Variants in CTNNA3 observed in about 807,000 individuals in gnomAD.
The protein encoded by CTNNA3 is catenin alpha 3, also known as catenin alpha-3.
Under a neutral mutation model 95.7 loss-of-function variants are expected in CTNNA3, and 76 were observed. The ratio of observed to expected loss-of-function variants is 0.79; its 90% CI spans 0.66 to 0.96. The LOEUF is 0.96. Ranked by LOEUF, CTNNA3 falls within the 40% of genes least tolerant of loss-of-function variation. CTNNA3 has a pLI of 0.00. For missense variants in CTNNA3, 1,191 were observed against 1,089.8 expected, an observed-to-expected ratio of 1.09 and a Z score of -1.31; for synonymous variants, 431 against 374.4, an observed-to-expected ratio of 1.15 and a Z score of -1.74.
At chr10:65,983,134 T>C (rs2078358948) in intron 16 of CTNNA3, among the ~76,000 whole-genome samples, 1 of 151,724 alleles carries the variant, frequency 6.6e-6, no homozygotes, top group South Asian at 2.1e-4. Flanking sequence ...GCTGCCAATG[T>C]ATTTAACACT....
At chr10:66,467,848 T>C (rs529616715) in intron 11 of CTNNA3, among the ~76,000 whole-genome samples, 2 of 152,184 alleles carry the variant, frequency 1.3e-5, no homozygotes, top group South Asian at 2.1e-4. Context: ...TTTGGTGATA[T>C]GAGTGTAAAC....
intron 7 of CTNNA3, among the ~76,000 whole-genome samples, chr10:66,889,328 C>G (rs1423351499): frequency 6.6e-6 from 1 of 152,060 alleles, no homozygotes; most frequent in Non-Finnish European, 1.5e-5. Context: ...TTGTCCAAAC[C>G]CACAGAGTGT....
intron 1 of CTNNA3, among the ~76,000 whole-genome samples, chr10:67,669,405 A>C (rs1036645592): frequency 1.3e-5 from 2 of 152,180 alleles, no homozygotes; most frequent in African/African-American, 4.8e-5. Context: ...CCCAAGATTA[A>C]CTATAGAAGG....
intron 13 of CTNNA3, chr10:66,118,377 GA>G (rs2082429310): frequency 6.6e-6 from 1 of 152,138 alleles, no homozygotes; most frequent in African/African-American, 2.4e-5. Flanking sequence ...ATCTCTTGAT[GA>G]ACAAGATTAG....
In CTNNA3 at chr10:66,275,494, C is replaced by T. The variant is rs537371639; in HGVS notation, c.1884+4976G>A. On this transcript the variant is annotated intron_variant, in intron 13 of 17. Transcript: ENST00000433211. ...TCCTTTACTTTTACATACAATGATACTTAAAAGTAGAAATTCAGTAGTGTT... is the reference window on the plus strand; with the variant it reads ...TCCTTTACTTTTACATACAATGATATTTAAAAGTAGAAATTCAGTAGTGTT... Among the ~76,000 whole-genome samples the T allele has an allele frequency of 5.8e-4, 88 of 152,276 alleles. No homozygotes were observed. The South Asian group carries it at 0.017, about 30-fold the overall frequency.
chr10:66,691,028 C>A (rs962176434), intron 9 of CTNNA3, among the ~76,000 whole-genome samples: 3 of 152,264 alleles, frequency 2.0e-5, no homozygotes, highest in Non-Finnish European at 2.9e-5. Flanking sequence ...CCAGAGTGAT[C>A]GATGCAGAAG....
chr10:67,545,130 TTACA>T (rs1351603991), intron 3 of CTNNA3, among the ~76,000 whole-genome samples: 8 of 152,346 alleles, frequency 5.3e-5, no homozygotes, highest in African/African-American at 1.9e-4. Flanking sequence ...TGCAGGTTTG[TTACA>T]TATGTATATA....
chr10:67,077,480 TTCTGGACCC>T (rs2131867019), intron 7 of CTNNA3, among the ~76,000 whole-genome samples: 1 of 152,274 alleles, frequency 6.6e-6, no homozygotes, highest in African/African-American at 2.4e-5. Flanking sequence ...AGTCCAACCA[TTCTGGACCC>T]TCTGTCCCCT....
chr10:67,697,970 A>C (rs1840999570), upstream of CTNNA3, among the ~76,000 whole-genome samples: 1 of 152,318 alleles, frequency 6.6e-6, no homozygotes, highest in Admixed American at 6.5e-5. Flanking sequence ...GGTAGGAGAC[A>C]AAAGCAGAGA....
chr10:66,728,341 G>A (rs146902453), intron 9 of CTNNA3, among the ~76,000 whole-genome samples: 1 of 152,288 alleles, frequency 6.6e-6, no homozygotes, highest in African/African-American at 2.4e-5. Context: ...ACCTTTGTCA[G>A]ATGGATAGAT....
intron 17 of CTNNA3, among the ~76,000 whole-genome samples, chr10:65,956,369 T>G (rs1349776796): frequency 6.6e-6 from 1 of 152,208 alleles, no homozygotes; most frequent in Admixed American, 6.5e-5. Context: ...TTTGAAGGGT[T>G]TTTTGTGTCT....
At chr10:67,528,041 C>A (rs10997694) in intron 4 of CTNNA3, among the ~76,000 whole-genome samples, 16,265 of 152,194 alleles carry the variant, frequency 0.11, 1,327 homozygotes, top group East Asian at 0.3. Flanking sequence ...ATCCACCTTA[C>A]AGTCCTGGTT....
At chr10:66,062,606 T>C (rs1485358578) in intron 15 of CTNNA3, among the ~76,000 whole-genome samples, 1 of 152,184 alleles carries the variant, frequency 6.6e-6, no homozygotes, top group Non-Finnish European at 1.5e-5. Context: ...ACAGATTTCA[T>C]TCATTTTAAA....
intron 15 of CTNNA3, among the ~76,000 whole-genome samples, chr10:66,051,815 G>A (rs1419797632): frequency 6.6e-6 from 1 of 152,026 alleles, no homozygotes; most frequent in South Asian, 2.1e-4. Flanking sequence ...CTCCCTTGTG[G>A]GATATAAGAA....
At chr10:66,032,561 A>C (rs2079470459) in intron 15 of CTNNA3, among the ~76,000 whole-genome samples, 1 of 152,168 alleles carries the variant, frequency 6.6e-6, no homozygotes, top group Non-Finnish European at 1.5e-5. Flanking sequence ...CTTGACATTT[A>C]TTCATTTTTA....
At chr10:66,656,744 C>A (rs898314212) in intron 9 of CTNNA3, among the ~76,000 whole-genome samples, 1 of 151,962 alleles carries the variant, frequency 6.6e-6, no homozygotes, top group East Asian at 1.9e-4. Context: ...GACTGCTAGA[C>A]CTGGGCTTTC....
chr10:67,221,011 C>T (rs1864627852), intron 5 of CTNNA3, among the ~76,000 whole-genome samples: 1 of 152,186 alleles, frequency 6.6e-6, no homozygotes, highest in South Asian at 2.1e-4. Context: ...TCATGGAAAA[C>T]AGGAGATGGA....
intron 7 of CTNNA3, among the ~76,000 whole-genome samples, chr10:66,884,861 G>C (rs1844985368): frequency 6.6e-6 from 1 of 152,122 alleles, no homozygotes; most frequent in African/African-American, 2.4e-5. Context: ...GGATACCCGT[G>C]TGGTAGTAGG....
chr10:67,509,892 C>T (rs553583884), intron 5 of CTNNA3, among the ~76,000 whole-genome samples: 2 of 152,204 alleles, frequency 1.3e-5, no homozygotes, highest in South Asian at 2.1e-4. Flanking sequence ...TTCTAACTGG[C>T]GTGAGATGGT....
Sources: gnomAD v4.1 joint callset for allele counts (sites outside exome capture counted in the v4.1 genomes callset) on GRCh38, gnomAD v4.1.1 for gene constraint, MANE v1.5 for transcripts, NCBI Gene and HGNC (gene_info 2026-07-23, HGNC 2026-07-21) for gene names.